The following PMF1 variants were observed in gnomAD, a reference collection of about 807,000 sequenced individuals.
PMF1 encodes the protein polyamine modulated factor 1.
In PMF1, 21 loss-of-function variants were observed where a neutral mutation model predicts 26.7. The ratio of observed to expected loss-of-function variants is 0.79; its 90% CI spans 0.56 to 1.13. The LOEUF (loss-of-function observed/expected upper bound fraction) is 1.13. PMF1 is among the 50% of genes most tolerant of loss of function. PMF1 has a pLI of 0.00. For missense variants in PMF1, 266 were observed against 254.9 expected, an observed-to-expected ratio of 1.04 and a Z score of -0.30; for synonymous variants, 105 against 101.0, an observed-to-expected ratio of 1.04 and a Z score of -0.24.
chr1:156,236,559 C>T, intron 4 of PMF1, 76 bp downstream of exon 4: 2 of 1,501,824 alleles, frequency 1.3e-6, no homozygotes, highest in Non-Finnish European at 1.8e-6. Flanking sequence ...TGGCTTCCTC[C>T]ATTCCAACAC....
intron 1 of PMF1, chr1:156,223,580 T>C (rs1658195660): frequency 6.6e-6 from 1 of 152,190 alleles, no homozygotes; most frequent in African/African-American, 2.4e-5. Flanking sequence ...CAGTGAGTTA[T>C]GTAGAGTACA....
intron 1 of PMF1, chr1:156,220,828 T>C (rs2103086807): frequency 6.6e-6 from 1 of 152,204 alleles, no homozygotes; most frequent in African/African-American, 2.4e-5. Context: ...ATTTTTGTAT[T>C]TTTAGTAGAG....
At chr1:156,226,977 T>C (rs1413835493) in intron 1 of PMF1, among the ~76,000 whole-genome samples, 2 of 152,048 alleles carry the variant, frequency 1.3e-5, no homozygotes, top group Non-Finnish European at 2.9e-5. Flanking sequence ...GGACTCCTCT[T>C]CCCAAGCTTT....
At chr1:156,236,691 C>A in intron 4 of PMF1, 1 of 668,470 alleles carries the variant, frequency 1.5e-6, no homozygotes, top group Non-Finnish European at 2.5e-6. Flanking sequence ...AGATCCTCCA[C>A]CAGGCACAGG....
Position 156,213,049 on chromosome 1 carries a change from G to C in PMF1, c.34G>C (p.Gly12Arg). 6.2e-7 allele frequency: 1 copy of C among 1,614,224 alleles called. No individual in the cohort carries two copies. The highest frequency in any genetic ancestry group is 8.5e-7 in the Non-Finnish European group (1 of 1,180,018). The change falls in exon 1 of 5, where the codon GGC becomes CGC. Residue 12 changes from glycine to arginine, a missense_variant. Transcript: ENST00000368277. ...AEASSANLGSGCEEKRHEGSS... is the reference protein window; with the variant it reads ...AEASSANLGSRCEEKRHEGSS... The stretch of plus-strand genomic sequence containing the variant: ...AGCAAGTAGCGCCAATCTAGGCAGC[G>C]GCTGTGAGGAAAAAAGGCATGAGGG...
At chr1:156,237,605 C>G (rs1426395721) in intron 4 of PMF1, among the ~76,000 whole-genome samples, 5 of 151,988 alleles carry the variant, frequency 3.3e-5, no homozygotes, top group African/African-American at 1.2e-4. Flanking sequence ...AGCTGCCACA[C>G]CCAGCTAAAT....
chr1:156,238,828 T>G (rs1326450477), intron 4 of PMF1, among the ~76,000 whole-genome samples: 1 of 151,758 alleles, frequency 6.6e-6, no homozygotes, highest in Non-Finnish European at 1.5e-5. Context: ...TCTCCCCACA[T>G]CACAGACTGG....
intron 1 of PMF1, among the ~76,000 whole-genome samples, chr1:156,216,701 C>A (rs1168660469): frequency 6.6e-6 from 1 of 151,754 alleles, no homozygotes; most frequent in Non-Finnish European, 1.5e-5. Flanking sequence ...CCGCTGCGGG[C>A]GCCCGGGGCG....
intron 1 of PMF1, among the ~76,000 whole-genome samples, chr1:156,227,988 G>A (rs1270797868): frequency 7.1e-6 from 1 of 140,046 alleles, no homozygotes; most frequent in Non-Finnish European, 1.5e-5. Flanking sequence ...ACACTGGGGT[G>A]CAATGGCATG....
intron 1 of PMF1, among the ~76,000 whole-genome samples, chr1:156,214,628 C>G (rs898390693): frequency 6.6e-6 from 1 of 151,878 alleles, no homozygotes; most frequent in South Asian, 2.1e-4. Context: ...CTGTAATCCC[C>G]GTGCTTTGGG....
At chr1:156,229,416 T>G (rs1190821505) in intron 1 of PMF1, among the ~76,000 whole-genome samples, 1 of 151,496 alleles carries the variant, frequency 6.6e-6, no homozygotes, top group Non-Finnish European at 1.5e-5. Context: ...ATGGCATCAC[T>G]AGATACAGTG....
intron 1 of PMF1, among the ~76,000 whole-genome samples, chr1:156,231,394 C>A (rs1347557007): frequency 6.7e-6 from 1 of 148,664 alleles, no homozygotes; most frequent in African/African-American, 2.5e-5. Flanking sequence ...GGAATGAGAT[C>A]CTGTCTCAAA....
At chr1:156,237,840 T>C (rs145783772) in intron 4 of PMF1, among the ~76,000 whole-genome samples, 1 of 152,234 alleles carries the variant, frequency 6.6e-6, no homozygotes, top group East Asian at 1.9e-4. Flanking sequence ...CACTGCAACC[T>C]CCGCTTCCTG....
intron 1 of PMF1, among the ~76,000 whole-genome samples, chr1:156,217,000 G>C (rs1224928574): frequency 1.3e-5 from 2 of 151,654 alleles, no homozygotes; most frequent in Admixed American, 1.3e-4. Context: ...ACCAAACACC[G>C]CATATTCTAA....
intron 1 of PMF1, among the ~76,000 whole-genome samples, chr1:156,218,789 A>G (rs1476723295): frequency 1.3e-5 from 2 of 152,096 alleles, no homozygotes; most frequent in Non-Finnish European, 2.9e-5. Context: ...CTCAAAAACA[A>G]AAACAAAAAC....
chr1:156,216,659 G>A (rs1311331753), intron 1 of PMF1, among the ~76,000 whole-genome samples: 2 of 151,702 alleles, frequency 1.3e-5, no homozygotes, highest in Non-Finnish European at 2.9e-5. Context: ...GGCGGGGAAG[G>A]CGGCGAGGGC....
intron 1 of PMF1, among the ~76,000 whole-genome samples, chr1:156,217,051 T>G (rs1657791773): frequency 6.8e-6 from 1 of 147,766 alleles, no homozygotes; most frequent in Non-Finnish European, 1.5e-5. Flanking sequence ...CATGGACACA[T>G]GAAGGGGAAT....
chr1:156,233,652 G>C lies in PMF1; in HGVS notation c.292G>C (p.Glu98Gln). The change falls in exon 3 of 5, where the codon GAG becomes CAG. Residue 98 changes from glutamate (E) to glutamine (Q), a missense_variant. Glu to Gln is a conservative substitution (Grantham distance 29). Transcript: ENST00000368277. ...GGAGGAAATCTCTGACATCAAAGAGGAGGGGAACCTAGAAGCTGTCTTGAA... is the reference window on the plus strand; with the variant it reads ...GGAGGAAATCTCTGACATCAAAGAGCAGGGGAACCTAGAAGCTGTCTTGAA... Reference protein sequence around the residue: ...IREEISDIKEEGNLEAVLNAL... With the variant: ...IREEISDIKEQGNLEAVLNAL... The C allele has an allele frequency of 1.9e-6, 3 of 1,614,076 alleles. No individual in the cohort carries two copies. The highest frequency in any genetic ancestry group is 2.5e-6 in the Non-Finnish European group (3 of 1,179,982).
intron 1 of PMF1, among the ~76,000 whole-genome samples, chr1:156,227,868 TG>T (rs1658456587): frequency 6.6e-6 from 1 of 151,790 alleles, no homozygotes; most frequent in African/African-American, 2.4e-5. Flanking sequence ...TGGGCTCAAG[TG>T]ATCCTCCTGC....
Sources: allele counts gnomAD v4.1 joint callset (sites outside exome capture counted in the v4.1 genomes callset), GRCh38; gene constraint gnomAD v4.1.1; transcripts MANE v1.5; gene names NCBI Gene and HGNC (gene_info 2026-07-23, HGNC 2026-07-21).